GTF2E1: variants seen among roughly 807,000 people sequenced by gnomAD.
GTF2E1 encodes TFIIE alpha subunit.
A neutral mutation model predicts 34.9 loss-of-function variants in GTF2E1; 14 were observed. The ratio of observed to expected loss-of-function variants is 0.40; its 90% CI spans 0.27 to 0.63. GTF2E1 has a LOEUF of 0.63. Among genes scored for constraint, GTF2E1 ranks in the 20% least tolerant of loss-of-function variants. GTF2E1 has a pLI of 0.39. For missense variants in GTF2E1, 469 were observed against 557.7 expected (o/e 0.84, Z 1.60); for synonymous variants, 188 against 192.9 (o/e 0.97, Z 0.21).
At chr3:120,751,031 AAT>A in intron 2 of GTF2E1, 31 bp downstream of exon 2, 1 of 1,401,226 alleles carries the variant, frequency 7.1e-7, no homozygotes, top group Non-Finnish European at 9.9e-7. Context: ...GAATCTTTAA[AAT>A]AAAGTGTGTA....
At position 120,750,698 on chromosome 3, in the gene GTF2E1, T is replaced by C; in HGVS notation, c.146T>C (p.Leu49Pro). ...RNSCVKEEDMLELLKFDRKQL... is the reference protein window; with the variant it reads ...RNSCVKEEDMPELLKFDRKQL... ...TCCTGTGTGAAAGAGGAGGATATGC[T>C]GGAGCTGCTCAAGTTTGATCGGAAG... Residue 49 changes from leucine (L) to proline (P), a missense_variant, in exon 2 of 5, where the codon CTG becomes CCG. Leu to Pro is a moderately conservative substitution (Grantham distance 98). Transcript: ENST00000283875. The C allele has an allele frequency of 6.2e-7, 1 of 1,614,094 alleles. No individual in the cohort carries two copies. The highest frequency in any genetic ancestry group is 8.5e-7 in the Non-Finnish European group (1 of 1,179,952).
At chr3:120,780,016 TAGG>T (rs1010910407) in intron 4 of GTF2E1, among the ~76,000 whole-genome samples, 1 of 152,238 alleles carries the variant, frequency 6.6e-6, no homozygotes, top group African/African-American at 2.4e-5. Context: ...CACAAAATGA[TAGG>T]AGGTGTGTGG....
chr3:120,779,527 C>T (rs995604657), intron 4 of GTF2E1, among the ~76,000 whole-genome samples: 2 of 152,198 alleles, frequency 1.3e-5, no homozygotes, highest in Admixed American at 1.3e-4. Flanking sequence ...TTCCCTTTCT[C>T]TCTCTTATCT....
intron 2 of GTF2E1, among the ~76,000 whole-genome samples, chr3:120,764,770 G>A (rs948787021): frequency 6.6e-6 from 1 of 152,050 alleles, no homozygotes; most frequent in East Asian, 1.9e-4. Context: ...CAAGTTTTTG[G>A]TGGGGTTTTC....
rs137976106 is a variant in GTF2E1 at position 120,770,793 on chromosome 3, G to A, written c.514G>A (p.Asp172Asn). 3.4e-4 allele frequency: 542 copies of A among 1,613,556 alleles called. 1 individual carries two copies. Among genetic ancestry groups the A allele is most frequent in the Non-Finnish European group, 2.7e-4 (315 of 1,179,670 alleles). ...GGATGAATCAGCAATGCCCAAAAAAGATGCACGCACACTTTTGGCAAGGTT... is the reference window on the plus strand; with the variant it reads ...GGATGAATCAGCAATGCCCAAAAAAAATGCACGCACACTTTTGGCAAGGTT... ...EEDESAMPKK[D>N]ARTLLARFNE... Residue 172 changes from aspartate (D) to asparagine (N), a missense_variant, in exon 3 of 5, where the codon GAT becomes AAT. Transcript: ENST00000283875.
At chr3:120,762,926 T>G (rs1014630383) in intron 2 of GTF2E1, among the ~76,000 whole-genome samples, 1 of 152,162 alleles carries the variant, frequency 6.6e-6, no homozygotes, top group African/African-American at 2.4e-5. Context: ...TATCACTGGT[T>G]TTAGAGGATT....
At chr3:120,770,670 G>T in intron 2 of GTF2E1, 58 bp from the exon 3 acceptor site, 1 of 1,167,438 alleles carries the variant, frequency 8.6e-7, no homozygotes, top group Non-Finnish European at 1.3e-6. Flanking sequence ...GGAGGGTGGA[G>T]GTATAAACTA....
At chr3:120,780,171 C>T (rs1472771932) in intron 4 of GTF2E1, among the ~76,000 whole-genome samples, 1 of 152,046 alleles carries the variant, frequency 6.6e-6, no homozygotes, top group Non-Finnish European at 1.5e-5. Context: ...GTGGCAGGTA[C>T]TATTTAGGTA....
intron 2 of GTF2E1, among the ~76,000 whole-genome samples, chr3:120,766,991 A>C (rs999217666): frequency 2.0e-5 from 3 of 152,172 alleles, no homozygotes; most frequent in African/African-American, 7.2e-5. Flanking sequence ...ATTTTCTGTA[A>C]AATGTCAAAT....
intron 2 of GTF2E1, among the ~76,000 whole-genome samples, chr3:120,766,939 T>C (rs1284570946): frequency 6.6e-6 from 1 of 152,144 alleles, no homozygotes; most frequent in Admixed American, 6.5e-5. Context: ...CGTAGTGAAA[T>C]GTATAAAAAA....
chr3:120,773,040 A>G (rs1428887279), intron 3 of GTF2E1, among the ~76,000 whole-genome samples: 1 of 152,102 alleles, frequency 6.6e-6, no homozygotes, highest in African/African-American at 2.4e-5. Context: ...GATACCCAAA[A>G]ATCTGGTCAT....
intron 4 of GTF2E1, among the ~76,000 whole-genome samples, chr3:120,780,798 GAAGAACC>G (rs1338772778): frequency 6.6e-6 from 1 of 152,110 alleles, no homozygotes; most frequent in Non-Finnish European, 1.5e-5. Context: ...CTTGTGTGTA[GAAGAACC>G]AGGATTCAAA....
chr3:120,769,039 T>C (rs757904958), intron 2 of GTF2E1, among the ~76,000 whole-genome samples: 2 of 152,130 alleles, frequency 1.3e-5, no homozygotes, highest in Non-Finnish European at 2.9e-5. Context: ...GATGCTTCTA[T>C]CTACTATATG....
chr3:120,774,633 CAAAA>C (rs5852253), intron 3 of GTF2E1, among the ~76,000 whole-genome samples: 4 of 139,702 alleles, frequency 2.9e-5, no homozygotes, highest in African/African-American at 8.0e-5. Flanking sequence ...CAGAATATAG[CAAAA>C]AAAAAAAAAA....
intron 2 of GTF2E1, among the ~76,000 whole-genome samples, chr3:120,757,867 A>G (rs1382075669): frequency 2.0e-5 from 3 of 152,222 alleles, no homozygotes; most frequent in East Asian, 1.9e-4. Context: ...TTAAAAATAC[A>G]TAAGTAATAT....
intron 2 of GTF2E1, among the ~76,000 whole-genome samples, chr3:120,761,430 C>T (rs2107608777): frequency 6.6e-6 from 1 of 152,238 alleles, no homozygotes; most frequent in Non-Finnish European, 1.5e-5. Context: ...TTCAGTTCTG[C>T]TCTGATCTTA....
In GTF2E1 at chr3:120,781,084, CAT is replaced by C; in HGVS notation, c.935_936del (p.His312ArgfsTer4). ...MDAFQEREEG[H>X]AGPDDNEEVM... ...CGCATTTCAGGAGCGTGAGGAAGGCCATGCTGGGCCTGATGACAACGAAGAGG... is the reference window on the plus strand; with the variant it reads ...CGCATTTCAGGAGCGTGAGGAAGGCCGCTGGGCCTGATGACAACGAAGAGG... On this transcript the variant is annotated frameshift_variant, in exon 5 of 5. Coordinates refer to ENST00000283875, the MANE Select transcript of GTF2E1 (RefSeq NM_005513.3). LOFTEE classifies it high-confidence loss of function. The C allele has an allele frequency of 6.2e-7, 1 of 1,613,906 alleles. No homozygotes were observed. The highest frequency in any genetic ancestry group is 8.5e-7 in the Non-Finnish European group (1 of 1,179,876).
At chr3:120,764,390 T>C (rs41365345) in intron 2 of GTF2E1, among the ~76,000 whole-genome samples, 41,975 of 152,126 alleles carry the variant, frequency 0.28, 6,282 homozygotes, top group Non-Finnish European at 0.33. Context: ...ACATTTGATC[T>C]TCCCTGTTTC....
intron 2 of GTF2E1, among the ~76,000 whole-genome samples, chr3:120,754,067 C>G (rs1709188481): frequency 6.6e-6 from 1 of 152,152 alleles, no homozygotes; most frequent in African/African-American, 2.4e-5. Context: ...ATTTAGCAAG[C>G]TTTCTGACCA....
Sources: gnomAD v4.1 joint callset for allele counts (sites outside exome capture counted in the v4.1 genomes callset) on GRCh38, gnomAD v4.1.1 for gene constraint, MANE v1.5 for transcripts, NCBI Gene and HGNC (gene_info 2026-07-23, HGNC 2026-07-21) for gene names.